The following CIC variants were observed in gnomAD, a reference collection of about 807,000 sequenced individuals.
The protein encoded by CIC is protein capicua homolog.
CIC carries 18 observed loss-of-function variants against 115.7 expected under a neutral mutation model. The ratio of observed to expected loss-of-function variants is 0.16; its 90% CI spans 0.11 to 0.23. The LOEUF (loss-of-function observed/expected upper bound fraction) is 0.23. Among genes scored for constraint, CIC ranks in the 10% least tolerant of loss-of-function variants. The probability of loss-of-function intolerance (pLI) is 1.00; values close to 1 mark genes in which losing one functional copy is unlikely to be tolerated. For missense variants in CIC, 2,000 were observed against 2,159.3 expected (o/e 0.93, Z 1.46); for synonymous variants, 1,076 against 923.0 (o/e 1.17, Z -3.01).
chr19:42,269,920 C>T (rs945683191), intron 1 of CIC, among the ~76,000 whole-genome samples: 6 of 151,888 alleles, frequency 4.0e-5, no homozygotes, highest in African/African-American at 1.2e-4. Flanking sequence ...GCCTGGGCTC[C>T]GGGAGTTACT....
rs747486016 is a variant in CIC, at chr19:42,291,116, A to C, written c.5075A>C (p.Gln1692Pro). 2 of 1,610,060 alleles carry C rather than the reference A, an allele frequency of 1.2e-6. No individual in the cohort carries two copies. Among genetic ancestry groups the C allele is most frequent in the Non-Finnish European group, 8.5e-7 (1 of 1,177,214 alleles). The change falls in exon 11 of 21, where the codon CAG becomes CCG. Residue 1692 changes from glutamine to proline, a missense_variant. Transcript: ENST00000681038. ...PAPPAVQFIA[Q>P]GAPGGGTTAG... ...CCCCCTGCTGTCCAGTTCATTGCCCAGGGGGCCCCTGGTGGTGGGACCACT... is the reference window on the plus strand; with the variant it reads ...CCCCCTGCTGTCCAGTTCATTGCCCCGGGGGCCCCTGGTGGTGGGACCACT...
In CIC at chr19:42,293,645, G is replaced by A; in HGVS notation, c.6576G>A (p.Leu2192=). ...SSDWRVPGQG[L]ENRGEPPTPP... is the part of the protein sequence containing the mutation. ...ACTGGCGCGTCCCTGGGCAGGGCCTGGAGAATCGTGGGGAGCCTCCCACTC... is the reference window on the plus strand; with the variant it reads ...ACTGGCGCGTCCCTGGGCAGGGCCTAGAGAATCGTGGGGAGCCTCCCACTC... The change falls in exon 17 of 21, where the codon CTG becomes CTA. Residue 2192 remains leucine (L), a synonymous_variant. Transcript: ENST00000681038. 1.2e-6 allele frequency: 2 copies of A among 1,613,258 alleles called. No individual in the cohort carries two copies. Among genetic ancestry groups the A allele is most frequent in the Non-Finnish European group, 1.7e-6 (2 of 1,179,898 alleles).
In CIC at chr19:42,287,796, C is replaced by A. The variant is rs2037764355; in HGVS notation, c.3493-14C>A. On this transcript the variant is annotated splice_polypyrimidine_tract_variant and intron_variant, in intron 6 of 20. Transcript: ENST00000681038. The surrounding 1 kb of genome is among the most constrained non-coding windows in gnomAD (Gnocchi z 8.7). ...GGTGGGTGAGTGAAGGGTTGCCCTG[C>A]CCTCTCCTGCCAGGTGAAGGAGGCC... 1 of 1,614,002 alleles carries A rather than the reference C, an allele frequency of 6.2e-7. No homozygotes were observed. The highest frequency in any genetic ancestry group is 8.5e-7 in the Non-Finnish European group (1 of 1,179,936).
chr19:42,291,835 C>T, intron 12 of CIC, 90 bp downstream of exon 12: 5 of 1,503,850 alleles, frequency 3.3e-6, no homozygotes, highest in Admixed American at 3.4e-5. Flanking sequence ...TTCTCCTTCT[C>T]CATGTATCTG....
chr19:42,276,555 G>A (rs2036985125), intron 2 of CIC, among the ~76,000 whole-genome samples: 1 of 152,190 alleles, frequency 6.6e-6, no homozygotes, highest in Non-Finnish European at 1.5e-5. Context: ...AGTCCCGAGG[G>A]ACAGGGCACA....
chr19:42,291,893 T>A (rs781538536), intron 12 of CIC, 148 bp downstream of exon 12: 17 of 1,284,022 alleles, frequency 1.3e-5, no homozygotes, highest in South Asian at 1.3e-4. Context: ...ATCCTGACTC[T>A]CTCAAGTCCT....
In CIC at chr19:42,292,080, C is replaced by T. The variant is rs770581674; in HGVS notation, c.5614-6C>T. ...CACCCTGGCCTATGGGTGCCCTTCTCCACAGATCATCCAGCTGACCCCGGT... is the reference window on the plus strand; with the variant it reads ...CACCCTGGCCTATGGGTGCCCTTCTTCACAGATCATCCAGCTGACCCCGGT... On this transcript the variant is annotated splice_polypyrimidine_tract_variant and splice_region_variant and intron_variant, in intron 12 of 20. Transcript: ENST00000681038. 3.1e-6 allele frequency: 5 copies of T among 1,613,650 alleles called. No homozygotes were observed. Among genetic ancestry groups the T allele is most frequent in the African/African-American group, 2.7e-5 (2 of 75,050 alleles).
rs1389556709 is a variant in CIC, at chr19:42,280,811, T to C, written c.2795-5960T>C. Among the ~76,000 whole-genome samples, 1 of 151,894 alleles carries C rather than the reference T, an allele frequency of 6.6e-6. No individual in the cohort carries two copies. Among genetic ancestry groups the C allele is most frequent in the Non-Finnish European group, 1.5e-5 (1 of 67,922 alleles). On this transcript the variant is annotated intron_variant, in intron 2 of 20. Transcript: ENST00000681038. This position sits in a 1 kb window ranked among gnomAD's most constrained non-coding sequence, Gnocchi z 4.9. Reference sequence around the variant, plus strand: ...GGCGCCCCCTCCTCTGCTCGGGCCTTGGCGCCTCCCTCAGCCCGCGCCGAC... The same window carrying C: ...GGCGCCCCCTCCTCTGCTCGGGCCTCGGCGCCTCCCTCAGCCCGCGCCGAC...
Position 42,291,442 on chromosome 19 carries a change from G to C in CIC, c.5401G>C (p.Val1801Leu). The C allele has an allele frequency of 6.2e-7, 1 of 1,612,990 alleles. No homozygotes were observed. The highest frequency in any genetic ancestry group is 8.5e-7 in the Non-Finnish European group (1 of 1,179,990). ...PTPGIPILQS[V>L]PSAPPPKAQS... ...TCCTGGCATCCCCATCCTGCAGTCT[G>C]TACCCTCCGCCCCACCCCCCAAAGG... The change falls in exon 11 of 21, where the codon GTA (valine) becomes CTA (leucine). Residue 1801 changes from valine (V) to leucine (L), a missense_variant. Val to Leu is a conservative substitution (Grantham distance 32). Transcript: ENST00000681038.
In CIC at chr19:42,289,419, G is replaced by T. The variant is rs1464419556; in HGVS notation, c.4087+13G>T. The T allele has an allele frequency of 1.3e-6, 2 of 1,561,258 alleles. No homozygotes were observed. The highest frequency in any genetic ancestry group is 1.7e-6 in the Non-Finnish European group (2 of 1,152,354). On this transcript the variant is annotated intron_variant, in intron 9 of 20. Coordinates refer to ENST00000681038, the MANE Select transcript of CIC (RefSeq NM_001386298.1). ...GATGATGTCATTGGTGAGCATTGCA[G>T]GGCCCAGAATCTTGCCCAGGACCCA...
chr19:42,284,722 G>A (rs1425745785), intron 2 of CIC: 7 of 1,554,554 alleles, frequency 4.5e-6, no homozygotes, highest in Non-Finnish European at 6.1e-6. Context: ...CGGCCCACAG[G>A]CCCCTGATGC....
intron 2 of CIC, among the ~76,000 whole-genome samples, chr19:42,282,144 G>C (rs1028934260): frequency 1.3e-5 from 2 of 152,320 alleles, no homozygotes; most frequent in Admixed American, 6.5e-5. Context: ...GCATAGGAAG[G>C]AGGGGGCAGT....
rs1344392127 is a variant in CIC at position 42,294,201 on chromosome 19, C to A, written c.6951C>A (p.Thr2317=). 6.8e-6 allele frequency: 11 copies of A among 1,613,870 alleles called. No homozygotes were observed. The East Asian group carries it at 2.5e-4, about 36-fold the overall frequency. ...TGGATTCAGCACCCGAGGACCCCACCTCGCCCAAGCGCAAGATGAGAAGAC... is the reference window on the plus strand; with the variant it reads ...TGGATTCAGCACCCGAGGACCCCACATCGCCCAAGCGCAAGATGAGAAGAC... The part of the protein sequence containing the change: ...TDLDSAPEDP[T]SPKRKMRRRS... The change falls in exon 19 of 21, where the codon ACC becomes ACA. Residue 2317 remains threonine (T), a synonymous_variant. Transcript: ENST00000681038.
intron 7 of CIC, 121 bp downstream of exon 7, chr19:42,288,096 C>CAGAGAG: frequency 8.5e-7 from 1 of 1,170,116 alleles, no homozygotes; most frequent in East Asian, 2.6e-5. Context: ...TTTAATTTGG[C>CAGAGAG]GACCCTTATC....
rs1420603485 is a variant in CIC at position 42,269,320 on chromosome 19, G to C, written c.-72G>C. 1 of 149,826 alleles carries C rather than the reference G, an allele frequency of 6.7e-6. No homozygotes were observed. Among genetic ancestry groups the C allele is most frequent in the Non-Finnish European group, 1.5e-5 (1 of 67,214 alleles). The allele number at this position is 149,826 out of a possible 1,614,324, so 9.3% of individuals were successfully genotyped here. ...GGGAGAGCCGGAGGGGGGGCGGGGA[G>C]GGACCGGACCGGACCGAGCCGGGGC... On this transcript the variant is annotated 5_prime_UTR_variant, in exon 1 of 21. Coordinates refer to ENST00000681038, the MANE Select transcript of CIC (RefSeq NM_001386298.1).
rs2036723298 is a variant in CIC, at chr19:42,270,161, G to A, written c.-11+780G>A. ...GAGCCAGATCTCAGTCCCCAACATG[G>A]TAGTCTAGTGGGTCAGCGGGTATTA... is the stretch of plus-strand genomic sequence containing the variant. On this transcript the variant is annotated intron_variant, in intron 1 of 20. Coordinates refer to ENST00000681038, the MANE Select transcript of CIC (RefSeq NM_001386298.1). The surrounding 1 kb of genome is among the most constrained non-coding windows in gnomAD (Gnocchi z 4.1). Among the ~76,000 whole-genome samples the A allele has an allele frequency of 6.6e-6, 1 of 152,322 alleles. No homozygotes were observed. Among genetic ancestry groups the A allele is most frequent in the Admixed American group, 6.5e-5 (1 of 15,306 alleles).
chr19:42,289,838 A>G lies in CIC; in HGVS notation c.4088-10A>G. On this transcript the variant is annotated splice_polypyrimidine_tract_variant and intron_variant, in intron 9 of 20. Coordinates refer to ENST00000681038, the MANE Select transcript of CIC (RefSeq NM_001386298.1). ...GCCCCCTCCCCATACTGTTCCCTCCACTCCCTCAGCTGACGATGGCTTCGG... is the reference window on the plus strand; with the variant it reads ...GCCCCCTCCCCATACTGTTCCCTCCGCTCCCTCAGCTGACGATGGCTTCGG... 1 of 1,583,312 alleles carries G rather than the reference A, an allele frequency of 6.3e-7. No individual in the cohort carries two copies.
intron 10 of CIC, 129 bp from the exon 11 acceptor site, chr19:42,290,104 G>T: frequency 6.9e-7 from 1 of 1,458,240 alleles, no homozygotes; most frequent in South Asian, 1.1e-5. Context: ...AGGATGAATT[G>T]AGGCCTTCAG....
intron 16 of CIC, 50 bp downstream of exon 16, chr19:42,293,331 T>C: frequency 6.6e-7 from 1 of 1,511,668 alleles, no homozygotes; most frequent in Non-Finnish European, 8.9e-7. Context: ...GCTGTGCCTC[T>C]CCATTGACGT....
Sources: gnomAD v4.1 joint callset for allele counts (sites outside exome capture counted in the v4.1 genomes callset) on GRCh38, gnomAD v4.1.1 for gene constraint, Gnocchi (gnomAD v3.1) non-coding constraint, MANE v1.5 for transcripts, NCBI Gene and HGNC (gene_info 2026-07-23, HGNC 2026-07-21) for gene names.